The following IL1RAPL2 variants were observed in gnomAD, a reference collection of about 807,000 sequenced individuals.
The protein encoded by IL1RAPL2 is X-linked interleukin-1 receptor accessory protein-like 2.
Under a neutral mutation model 44.1 loss-of-function variants are expected in IL1RAPL2, and 3 were observed. The ratio of observed to expected loss-of-function variants is 0.07; its 90% CI spans 0.03 to 0.18. The LOEUF (loss-of-function observed/expected upper bound fraction) is 0.18. Ranked by LOEUF, IL1RAPL2 falls within the 10% of genes least tolerant of loss-of-function variation. The probability of loss-of-function intolerance (pLI) is 1.00; values close to 1 mark genes in which losing one functional copy is unlikely to be tolerated. For missense variants in IL1RAPL2, 391 were observed against 496.4 expected (o/e 0.79, Z 2.02); for synonymous variants, 181 against 178.8 (o/e 1.01, Z -0.10).
chrX:104,676,929 G>A lies in IL1RAPL2; in HGVS notation c.82+17934G>A, dbSNP rs1171398399. Among the ~76,000 whole-genome samples the A allele has an allele frequency of 4.5e-5, 5 of 111,325 alleles. No homozygotes were observed. The East Asian group carries it at 8.4e-4, about 19-fold the overall frequency. On this transcript the variant is annotated intron_variant, in intron 2 of 10. Coordinates refer to ENST00000372582, the MANE Select transcript of IL1RAPL2 (RefSeq NM_017416.2). ...CTTCTGCATTCTTCACGTAGTTCTC[G>A]AGCCTTGGTTTTCAGCTCCATCAGC... is the stretch of plus-strand genomic sequence containing the variant.
chrX:104,768,064 C>T (rs1932585243), intron 2 of IL1RAPL2, among the ~76,000 whole-genome samples: 1 of 111,823 alleles, frequency 8.9e-6, no homozygotes, highest in Non-Finnish European at 1.9e-5. Context: ...ACACGTACAA[C>T]ATGATGTTTT....
At chrX:105,283,146 A>G (rs1347849431) in intron 5 of IL1RAPL2, among the ~76,000 whole-genome samples, 1 of 111,770 alleles carries the variant, frequency 8.9e-6, no homozygotes, top group African/African-American at 3.3e-5. Flanking sequence ...ACATTCATCA[A>G]ATACTCATTG....
intron 2 of IL1RAPL2, among the ~76,000 whole-genome samples, chrX:104,876,841 C>T (rs1315532070): frequency 1.8e-5 from 2 of 108,766 alleles, no homozygotes; most frequent in African/African-American, 3.3e-5. Flanking sequence ...AACTCGTCAT[C>T]TAGCATTAGG....
In IL1RAPL2 at chrX:105,304,697, C is replaced by A. The variant is rs187058072; in HGVS notation, c.697+37156C>A. Among the ~76,000 whole-genome samples, 6 of 111,852 alleles carry A rather than the reference C, an allele frequency of 5.4e-5. No individual in the cohort carries two copies. The Admixed American group carries it at 5.7e-4, about 11-fold the overall frequency. On this transcript the variant is annotated intron_variant, in intron 5 of 10. Coordinates refer to ENST00000372582, the MANE Select transcript of IL1RAPL2 (RefSeq NM_017416.2). Reference sequence around the variant, plus strand: ...TAAATGCTTAATTATAACTATATTTCTGTCCAGAACGTGACATGCAATTCT... The same window carrying A: ...TAAATGCTTAATTATAACTATATTTATGTCCAGAACGTGACATGCAATTCT...
intron 5 of IL1RAPL2, among the ~76,000 whole-genome samples, chrX:105,396,818 AT>A (rs2035566781): frequency 1.8e-5 from 2 of 110,493 alleles, no homozygotes; most frequent in South Asian, 7.9e-4. Context: ...GTCAAGTAAG[AT>A]AGCTAATTAG....
At chrX:105,523,553 G>A (rs895768530) in intron 6 of IL1RAPL2, among the ~76,000 whole-genome samples, 2 of 111,231 alleles carry the variant, frequency 1.8e-5, no homozygotes, top group African/African-American at 6.5e-5. Context: ...ACAATGATTT[G>A]ACAATTGAAA....
intron 2 of IL1RAPL2, among the ~76,000 whole-genome samples, chrX:104,693,271 C>T (rs749155197): frequency 7.2e-5 from 8 of 111,553 alleles, no homozygotes; most frequent in Non-Finnish European, 1.3e-4. Context: ...CAAAGATTGG[C>T]AAGATTGGCT....
chrX:105,656,852 A>C (rs1298585124), intron 6 of IL1RAPL2, among the ~76,000 whole-genome samples: 1 of 112,315 alleles, frequency 8.9e-6, no homozygotes, highest in African/African-American at 3.2e-5. Context: ...CTCTGTTCTA[A>C]AGAAAGCAAT....
intron 2 of IL1RAPL2, among the ~76,000 whole-genome samples, chrX:104,989,447 A>G (rs550337493): frequency 1.8e-5 from 2 of 111,765 alleles, no homozygotes; most frequent in East Asian, 5.7e-4. Flanking sequence ...GTTGGCAAGG[A>G]TAATTCTCAT....
At chrX:105,640,036 A>G (rs766130991) in intron 6 of IL1RAPL2, among the ~76,000 whole-genome samples, 14 of 110,910 alleles carry the variant, frequency 1.3e-4, no homozygotes, top group Admixed American at 1.3e-3. Flanking sequence ...TGAAAATCCA[A>G]AACTCTACCT....
intron 2 of IL1RAPL2, among the ~76,000 whole-genome samples, chrX:104,840,876 G>A (rs1198137423): frequency 9.2e-6 from 1 of 109,176 alleles, no homozygotes; most frequent in Admixed American, 9.9e-5. Flanking sequence ...TTTTAGTAGA[G>A]ATAGTGTTTT....
At chrX:105,072,733 G>A (rs778562565) in intron 2 of IL1RAPL2, among the ~76,000 whole-genome samples, 126 of 110,656 alleles carry the variant, frequency 1.1e-3, no homozygotes, top group South Asian at 5.1e-3. Context: ...GTGCTTTGCT[G>A]CACCCATCAA....
At chrX:105,212,574 AGAGCAGCT>A (rs2033817064) in intron 3 of IL1RAPL2, among the ~76,000 whole-genome samples, 1 of 112,045 alleles carries the variant, frequency 8.9e-6, no homozygotes, top group African/African-American at 3.2e-5. Context: ...TGCTCTGAAG[AGAGCAGCT>A]GATCCTGACA....
At chrX:104,598,857 T>G (rs1322281759) in intron 1 of IL1RAPL2, among the ~76,000 whole-genome samples, 1 of 112,589 alleles carries the variant, frequency 8.9e-6, no homozygotes, top group Admixed American at 9.4e-5. Context: ...GGGACAGTAC[T>G]TATCATAGTT....
At position 104,743,545 on chromosome X, in the gene IL1RAPL2, C is replaced by T. The variant is rs59644008; in HGVS notation, c.82+84550C>T. Reference sequence around the variant, plus strand: ...AAAAACTTCAAATGCTCTCTGGTCACACAGTGTAAAATTTTAGGACTGCAG... The same window carrying T: ...AAAAACTTCAAATGCTCTCTGGTCATACAGTGTAAAATTTTAGGACTGCAG... On this transcript the variant is annotated intron_variant, in intron 2 of 10. Coordinates refer to ENST00000372582, the MANE Select transcript of IL1RAPL2 (RefSeq NM_017416.2). 6.4e-3 allele frequency among the ~76,000 whole-genome samples: 704 copies of T among 110,833 alleles called. 3 individuals carry two copies. Among genetic ancestry groups the T allele is most frequent in the African/African-American group, 0.022 (675 of 30,563 alleles).
intron 6 of IL1RAPL2, among the ~76,000 whole-genome samples, chrX:105,531,602 T>A (rs1362727108): frequency 8.9e-6 from 1 of 112,042 alleles, no homozygotes; most frequent in Non-Finnish European, 1.9e-5. Flanking sequence ...TGCCTGTGCT[T>A]GTGGGGTATT....
chrX:105,320,648 G>A (rs956211457), intron 5 of IL1RAPL2, among the ~76,000 whole-genome samples: 5 of 112,306 alleles, frequency 4.5e-5, no homozygotes, highest in African/African-American at 1.6e-4. Flanking sequence ...ATGTGAATGT[G>A]TGTATGTGTA....
intron 2 of IL1RAPL2, among the ~76,000 whole-genome samples, chrX:104,891,197 T>C (rs181189323): frequency 5.6e-4 from 63 of 112,105 alleles, no homozygotes; most frequent in African/African-American, 2.0e-3. Context: ...TTTTGGTTAC[T>C]GTAGACTTGC....
chrX:105,506,058 G>A (rs1361382335), intron 6 of IL1RAPL2, among the ~76,000 whole-genome samples: 2 of 111,495 alleles, frequency 1.8e-5, no homozygotes, highest in Non-Finnish European at 3.8e-5. Flanking sequence ...CATGTTTCTT[G>A]TCTTTAAGAA....
Sources: allele counts gnomAD v4.1 joint callset (sites outside exome capture counted in the v4.1 genomes callset), GRCh38; gene constraint gnomAD v4.1.1; transcripts MANE v1.5; gene names NCBI Gene and HGNC (gene_info 2026-07-23, HGNC 2026-07-21).